RDX: variants seen among roughly 807,000 people sequenced by gnomAD.
RDX encodes the protein radixin.
Under a neutral mutation model 83.7 loss-of-function variants are expected in RDX, and 32 were observed. That is an observed-to-expected ratio of 0.38 (90% CI 0.29 to 0.51). The LOEUF is 0.51. Among genes scored for constraint, RDX ranks in the 20% least tolerant of loss-of-function variants. RDX has a pLI of 0.87. For missense variants in RDX, 600 were observed against 689.9 expected, an observed-to-expected ratio of 0.87 and a Z score of 1.46; for synonymous variants, 229 against 222.7, an observed-to-expected ratio of 1.03 and a Z score of -0.25.
At chr11:110,217,498 G>A (rs1433809805) in intron 14 of RDX, among the ~76,000 whole-genome samples, 3 of 152,146 alleles carry the variant, frequency 2.0e-5, no homozygotes, top group Non-Finnish European at 4.4e-5. Flanking sequence ...GCTCCAGAAC[G>A]TACACAAAGT....
At chr11:110,250,886 C>T (rs1294386201) in intron 9 of RDX, among the ~76,000 whole-genome samples, 1 of 152,200 alleles carries the variant, frequency 6.6e-6, no homozygotes, top group Admixed American at 6.5e-5. Context: ...ATGCCTTCAG[C>T]CCTTTACATT....
At chr11:110,234,466 T>C (rs1394720746) in intron 12 of RDX, among the ~76,000 whole-genome samples, 2 of 152,172 alleles carry the variant, frequency 1.3e-5, no homozygotes, top group African/African-American at 4.8e-5. Flanking sequence ...TAAAATGAAA[T>C]AGTACATACA....
intron 5 of RDX, among the ~76,000 whole-genome samples, chr11:110,262,966 A>G (rs2134377433): frequency 6.6e-6 from 1 of 152,294 alleles, no homozygotes; most frequent in Admixed American, 6.5e-5. Context: ...CTAGTTTAAA[A>G]AGCCTTTTCA....
chr11:110,281,969 A>C (rs1239935209), intron 1 of RDX, among the ~76,000 whole-genome samples: 1 of 147,176 alleles, frequency 6.8e-6, no homozygotes, highest in Non-Finnish European at 1.5e-5. Flanking sequence ...CCAAACAAAC[A>C]AAAAAAAAAC....
intron 10 of RDX, among the ~76,000 whole-genome samples, chr11:110,238,578 C>CT (rs1864954336): frequency 6.6e-6 from 1 of 152,116 alleles, no homozygotes; most frequent in African/African-American, 2.4e-5. Context: ...ACTTACTGTT[C>CT]TTAATTTTCT....
Position 110,257,933 on chromosome 11 carries a change from T to A in RDX, c.552-20A>T. On this transcript the variant is annotated intron_variant, in intron 6 of 13. Transcript: ENST00000645495. The stretch of plus-strand genomic sequence containing the variant: ...TCCTCCCTGTTGAAATAAAACTAAA[T>A]GTAATATATTTAAGTAGGAGCATAT... The A allele has an allele frequency of 6.2e-7, 1 of 1,607,266 alleles. No individual in the cohort carries two copies. The highest frequency in any genetic ancestry group is 2.2e-5 in the East Asian group (1 of 44,696).
chr11:110,292,957 CA>C (rs1861304518), intron 1 of RDX, among the ~76,000 whole-genome samples: 3 of 152,206 alleles, frequency 2.0e-5, no homozygotes, highest in Non-Finnish European at 2.9e-5. Flanking sequence ...TGCTAGAAAA[CA>C]AAAAGTAAAC....
At chr11:110,209,650 C>A (rs1863752646) in intron 14 of RDX, among the ~76,000 whole-genome samples, 1 of 148,242 alleles carries the variant, frequency 6.7e-6, no homozygotes, top group Non-Finnish European at 1.5e-5. Context: ...TGAGAACGGG[C>A]AGACTGCCTC....
At chr11:110,222,383 G>A (rs1864279590) in intron 14 of RDX, among the ~76,000 whole-genome samples, 1 of 152,144 alleles carries the variant, frequency 6.6e-6, no homozygotes, top group Admixed American at 6.5e-5. Context: ...ATCCTTAAAA[G>A]TACATTAAAC....
At chr11:110,200,631 T>C (rs898358920) in intron 14 of RDX, among the ~76,000 whole-genome samples, 20 of 152,218 alleles carry the variant, frequency 1.3e-4, no homozygotes, top group African/African-American at 4.6e-4. Flanking sequence ...ATTTTGTTTC[T>C]AGGCAGTTTA....
chr11:110,239,307 C>T (rs918297025), intron 10 of RDX, among the ~76,000 whole-genome samples: 11 of 151,070 alleles, frequency 7.3e-5, no homozygotes, highest in Admixed American at 2.6e-4. Flanking sequence ...TGTGTAAGAC[C>T]TCAAAGGCAC....
intron 1 of RDX, among the ~76,000 whole-genome samples, chr11:110,295,934 GCGGAACGCA>G (rs1264043632): frequency 6.6e-6 from 1 of 152,232 alleles, no homozygotes; most frequent in African/African-American, 2.4e-5. Flanking sequence ...TGCCACTGGG[GCGGAACGCA>G]CGCTCTCTAG....
chr11:110,197,559 C>T (rs1000676085), intron 15 of RDX, among the ~76,000 whole-genome samples: 1 of 152,032 alleles, frequency 6.6e-6, no homozygotes, highest in Non-Finnish European at 1.5e-5. Context: ...CTACTTCTGA[C>T]GACAATAGCT....
At chr11:110,282,459 T>C (rs767075529) in intron 1 of RDX, among the ~76,000 whole-genome samples, 5 of 152,076 alleles carry the variant, frequency 3.3e-5, no homozygotes, top group Non-Finnish European at 5.9e-5. Context: ...TGTGGAAATA[T>C]ACCTGAAGAA....
intron 8 of RDX, among the ~76,000 whole-genome samples, chr11:110,254,401 G>GTT (rs1285033571): frequency 6.6e-6 from 1 of 151,632 alleles, no homozygotes; most frequent in East Asian, 1.9e-4. Context: ...ATGAGCACCT[G>GTT]TTCCTTATAC....
At chr11:110,235,877 T>G (rs115712603) in intron 12 of RDX, among the ~76,000 whole-genome samples, 2 of 152,218 alleles carry the variant, frequency 1.3e-5, no homozygotes, top group Non-Finnish European at 2.9e-5. Context: ...TAAATGTATA[T>G]GGGTCTCCCG....
chr11:110,264,064 A>T lies in RDX; in HGVS notation c.363T>A (p.Thr121=). The T allele has an allele frequency of 6.2e-7, 1 of 1,613,692 alleles. No homozygotes were observed. The highest frequency in any genetic ancestry group is 1.1e-5 in the South Asian group (1 of 91,072). The part of the protein sequence containing the change: ...LNDEIYCPPE[T]AVLLASYAVQ... ...CAGCATAGGAAGCCAAAAGAACTGC[A>T]GTTTCTGGCGGGCAATATATCTCAT... The change falls in exon 5 of 14, where the codon ACT becomes ACA. Residue 121 remains threonine (T), a synonymous_variant. Transcript: ENST00000645495.
At chr11:110,271,949 T>C (rs1334030968) in intron 3 of RDX, among the ~76,000 whole-genome samples, 1 of 152,206 alleles carries the variant, frequency 6.6e-6, no homozygotes, top group African/African-American at 2.4e-5. Flanking sequence ...CCTAACGTGA[T>C]GGGTCGCAGT....
At chr11:110,237,130 A>G (rs534852172) in intron 11 of RDX, among the ~76,000 whole-genome samples, 29 of 149,182 alleles carry the variant, frequency 1.9e-4, no homozygotes, top group Non-Finnish European at 3.3e-4. Context: ...AATATATTAT[A>G]TAACTATAAC....
Sources: allele counts gnomAD v4.1 joint callset (sites outside exome capture counted in the v4.1 genomes callset), GRCh38; gene constraint gnomAD v4.1.1; transcripts MANE v1.5; gene names NCBI Gene and HGNC (gene_info 2026-07-23, HGNC 2026-07-21).